Variants in CTNNA3 observed in about 807,000 individuals in gnomAD.
The protein encoded by CTNNA3 is catenin alpha 3.
A neutral mutation model predicts 95.7 loss-of-function variants in CTNNA3; 76 were observed. That is an observed-to-expected ratio of 0.79 (90% CI 0.66 to 0.96). The LOEUF (loss-of-function observed/expected upper bound fraction) is 0.96, where lower values mean the gene tolerates loss of function less well. Among genes scored for constraint, CTNNA3 ranks in the 40% least tolerant of loss-of-function variants. CTNNA3 has a pLI of 0.00. For synonymous variants in CTNNA3, 431 were observed against 374.4 expected (o/e 1.15, Z -1.74); for missense variants, 1,191 against 1,089.8 (o/e 1.09, Z -1.31).
At chr10:66,481,295 T>C (rs2456663) in intron 11 of CTNNA3, among the ~76,000 whole-genome samples, 2 of 151,874 alleles carry the variant, frequency 1.3e-5, no homozygotes, top group Non-Finnish European at 2.9e-5. Context: ...TAATTTGATT[T>C]GCTGTAGATT....
At chr10:66,151,579 CAA>C (rs1421088306) in intron 13 of CTNNA3, among the ~76,000 whole-genome samples, 1 of 151,808 alleles carries the variant, frequency 6.6e-6, no homozygotes, top group East Asian at 1.9e-4. Context: ...TCTTCACTTA[CAA>C]ATCTTTGGAT....
chr10:66,101,709 A>G (rs940690984), intron 14 of CTNNA3, among the ~76,000 whole-genome samples: 3 of 152,220 alleles, frequency 2.0e-5, no homozygotes, highest in Admixed American at 6.5e-5. Context: ...GTCAAAGTAG[A>G]TAAACAAACA....
chr10:67,363,647 C>T (rs1349867982), intron 5 of CTNNA3, among the ~76,000 whole-genome samples: 1 of 151,948 alleles, frequency 6.6e-6, no homozygotes, highest in Non-Finnish European at 1.5e-5. Context: ...GGAATATCAC[C>T]ACCAATCCCA....
At chr10:67,646,354 TAAG>T (rs1839713272) in intron 2 of CTNNA3, among the ~76,000 whole-genome samples, 1 of 151,730 alleles carries the variant, frequency 6.6e-6, no homozygotes. Context: ...AGTGAGTGGC[TAAG>T]ACGGACTTTA....
At chr10:67,661,566 A>G (rs542892023) in intron 1 of CTNNA3, among the ~76,000 whole-genome samples, 9 of 152,374 alleles carry the variant, frequency 5.9e-5, no homozygotes, top group Admixed American at 2.0e-4. Context: ...ACTGGACTTC[A>G]TGAAAATTCA....
At chr10:66,588,664 T>C (rs1269838624) in intron 10 of CTNNA3, among the ~76,000 whole-genome samples, 1 of 152,122 alleles carries the variant, frequency 6.6e-6, no homozygotes, top group Non-Finnish European at 1.5e-5. Context: ...TATCTAATTA[T>C]CCCATCACTC....
intron 4 of CTNNA3, among the ~76,000 whole-genome samples, chr10:67,527,910 C>G (rs1048696502): frequency 1.3e-5 from 2 of 152,154 alleles, no homozygotes; most frequent in Non-Finnish European, 2.9e-5. Context: ...AAAGCTTTAG[C>G]AGAAAAACAC....
At chr10:67,184,936 T>C (rs541726988) in intron 6 of CTNNA3, among the ~76,000 whole-genome samples, 1 of 152,264 alleles carries the variant, frequency 6.6e-6, no homozygotes, top group East Asian at 1.9e-4. Context: ...TGAGTTTATT[T>C]TGGTGGAAAA....
chr10:67,684,595 G>T lies in CTNNA3; in HGVS notation c.-6+11405C>A, dbSNP rs374906006. On this transcript the variant is annotated intron_variant, in intron 1 of 17. Coordinates refer to ENST00000433211, the MANE Select transcript of CTNNA3 (RefSeq NM_013266.4). ...CTCTAGCTACTTCCTGCTGGATAGG[G>T]GCAAAGAAGGGGCCTGCCCTGCAGT... Among the ~76,000 whole-genome samples the T allele has an allele frequency of 5.3e-5, 8 of 152,164 alleles. No homozygotes were observed. In the East Asian group the frequency reaches 1.4e-3, roughly 26 times the overall value.
At chr10:67,230,005 C>T (rs1442320209) in intron 5 of CTNNA3, among the ~76,000 whole-genome samples, 1 of 152,046 alleles carries the variant, frequency 6.6e-6, no homozygotes, top group Non-Finnish European at 1.5e-5. Flanking sequence ...AAAGAACCTG[C>T]ATAGCCAAAG....
intron 3 of CTNNA3, among the ~76,000 whole-genome samples, chr10:67,566,722 G>GT (rs1313970085): frequency 6.6e-6 from 1 of 152,036 alleles, no homozygotes. Flanking sequence ...ACATGCACAT[G>GT]TATGTTTATT....
intron 13 of CTNNA3, among the ~76,000 whole-genome samples, chr10:66,179,227 A>G (rs2085903412): frequency 6.6e-6 from 1 of 152,102 alleles, no homozygotes; most frequent in Non-Finnish European, 1.5e-5. Context: ...TAGCAATTAA[A>G]AAAACGAACC....
At chr10:67,405,535 G>A (rs1845108344) in intron 5 of CTNNA3, among the ~76,000 whole-genome samples, 1 of 152,140 alleles carries the variant, frequency 6.6e-6, no homozygotes, top group Non-Finnish European at 1.5e-5. Context: ...GGAACACCCA[G>A]ATTCATAAAG....
At chr10:66,946,321 T>C (rs559670760) in intron 7 of CTNNA3, among the ~76,000 whole-genome samples, 3 of 152,272 alleles carry the variant, frequency 2.0e-5, no homozygotes, top group Admixed American at 1.3e-4. Context: ...TGAGAAAGGA[T>C]AGCAGCAGCA....
chr10:67,750,679 G>A (rs765943242), intron 1 of CTNNA3: 82 of 1,548,266 alleles, frequency 5.3e-5, no homozygotes, highest in East Asian at 6.7e-5. Context: ...TAATATGATC[G>A]GTGGAAAAGC....
At position 66,530,930 on chromosome 10, in the gene CTNNA3, T is replaced by A. The variant is rs538496186; in HGVS notation, c.1375-10157A>T. Among the ~76,000 whole-genome samples, 7 of 152,260 alleles carry A rather than the reference T, an allele frequency of 4.6e-5. No homozygotes were observed. The South Asian group carries it at 1.4e-3, about 32-fold the overall frequency. ...CTTTCTGTGAAAGTATATGCCAGTATAAATTTTCGTATCTCATAAAACATA... is the reference window on the plus strand; with the variant it reads ...CTTTCTGTGAAAGTATATGCCAGTAAAAATTTTCGTATCTCATAAAACATA... On this transcript the variant is annotated intron_variant, in intron 10 of 17. Transcript: ENST00000433211.
chr10:66,833,236 T>C (rs1273058857), intron 7 of CTNNA3, among the ~76,000 whole-genome samples: 1 of 152,138 alleles, frequency 6.6e-6, no homozygotes, highest in Non-Finnish European at 1.5e-5. Flanking sequence ...GGACACTGAA[T>C]AGGGAGAGCA....
At chr10:67,751,135 A>C in intron 1 of CTNNA3, 2 of 1,335,668 alleles carry the variant, frequency 1.5e-6, no homozygotes, top group Non-Finnish European at 2.2e-6. Flanking sequence ...AATGATGAGG[A>C]GATGGCAACC....
chr10:66,468,623 C>T (rs1168120241), intron 11 of CTNNA3, among the ~76,000 whole-genome samples: 1 of 151,770 alleles, frequency 6.6e-6, no homozygotes, highest in Non-Finnish European at 1.5e-5. Flanking sequence ...AACTTCTCAG[C>T]ACACACATGA....
Sources: allele counts gnomAD v4.1 joint callset (sites outside exome capture counted in the v4.1 genomes callset), GRCh38; gene constraint gnomAD v4.1.1; transcripts MANE v1.5; gene names NCBI Gene and HGNC (gene_info 2026-07-23, HGNC 2026-07-21).